Variants in XXYLT1 observed in about 807,000 individuals in gnomAD.
XXYLT1 encodes the protein xyloside xylosyltransferase 1.
In XXYLT1, 20 loss-of-function variants were observed where a neutral mutation model predicts 28.9. The ratio of observed to expected loss-of-function variants is 0.69; its 90% confidence interval spans 0.49 to 1.00. The LOEUF (loss-of-function observed/expected upper bound fraction) is 1.00. XXYLT1 is among the 50% of genes least tolerant of loss of function. The pLI, the probability that XXYLT1 is intolerant of heterozygous loss-of-function variation, is 0.00. For synonymous variants in XXYLT1, 257 were observed against 253.8 expected (o/e 1.01, Z -0.12); for missense variants, 542 against 560.1 (o/e 0.97, Z 0.33).
chr3:195,270,635 C>G lies in XXYLT1; in HGVS notation c.424G>C (p.Val142Leu). 1 of 1,549,640 alleles carries G rather than the reference C, an allele frequency of 6.5e-7. No homozygotes were observed. Among genetic ancestry groups the G allele is most frequent in the Non-Finnish European group, 8.7e-7 (1 of 1,152,608 alleles). The change falls in exon 1 of 4, where the codon GTG (valine) becomes CTG (leucine). Residue 142 changes from valine (V) to leucine (L), a missense_variant. Val to Leu is a conservative substitution (Grantham distance 32). Coordinates refer to ENST00000310380, the MANE Select transcript of XXYLT1 (RefSeq NM_152531.5). The part of the protein sequence containing the change: ...EAHEVLNLHF[V>L]SEEASREVAK... ...ACCTCGCGGCTGGCCTCCTCGCTCA[C>G]GAAGTGAAGGTTAAGCACCTCGTGC...
At chr3:195,185,134 G>T (rs919222465) in intron 2 of XXYLT1, among the ~76,000 whole-genome samples, 15 of 136,598 alleles carry the variant, frequency 1.1e-4, no homozygotes, top group Non-Finnish European at 2.4e-4. Context: ...AGGAAGGAAG[G>T]AAGGAAGGAA....
At position 195,068,622 on chromosome 3, in the gene XXYLT1, C is replaced by A. The variant is rs1422040401; in HGVS notation, c.*1093G>T. ...TTTTGAGATGGACGTCTCACTCTGT[C>A]GTCCAGGCTGGAGTGCAGTGGTGTG... is the stretch of plus-strand genomic sequence containing the variant. On this transcript the variant is annotated 3_prime_UTR_variant, in exon 4 of 4. Coordinates refer to ENST00000310380, the MANE Select transcript of XXYLT1 (RefSeq NM_152531.5). 2.7e-5 allele frequency: 4 copies of A among 145,518 alleles called. No homozygotes were observed. In the East Asian group the frequency reaches 8.4e-4, roughly 30 times the overall value. The allele number at this position is 145,518 out of a possible 1,614,324, so 9.0% of individuals were successfully genotyped here. A position where few individuals can be genotyped will look rare whatever the true frequency, so the allele number is the denominator to read the frequency against.
chr3:195,169,869 A>ATTTT (rs34190474), intron 2 of XXYLT1, among the ~76,000 whole-genome samples: 1 of 123,236 alleles, frequency 8.1e-6, no homozygotes, highest in African/African-American at 3.0e-5. Context: ...ATATATATAT[A>ATTTT]TTTTTTTTTT....
In XXYLT1 at chr3:195,069,775, C is replaced by G; in HGVS notation, c.1122G>C (p.Arg374Ser). 6 of 1,614,112 alleles carry G rather than the reference C, an allele frequency of 3.7e-6. No individual in the cohort carries two copies. The highest frequency in any genetic ancestry group is 5.1e-6 in the Non-Finnish European group (6 of 1,180,028). The change falls in exon 4 of 4, where the codon AGG (arginine) becomes AGC (serine). Residue 374 changes from arginine to serine, a missense_variant. Coordinates refer to ENST00000310380, the MANE Select transcript of XXYLT1 (RefSeq NM_152531.5). ...GYSDVFEAYF[R>S]CEGHVKIYHG... Reference sequence around the variant, plus strand: ...GGTAGATCTTGACGTGGCCCTCACACCTGAAATAGGCCTCGAAGACGTCAC... The same window carrying G: ...GGTAGATCTTGACGTGGCCCTCACAGCTGAAATAGGCCTCGAAGACGTCAC...
chr3:195,256,351 C>T lies in XXYLT1; in HGVS notation c.504+14204G>A, dbSNP rs890080492. ...GATGGTGGCAACTGTGGCTCATTGA[C>T]GGTGACGATAAACCTGAGACAGCTC... On this transcript the variant is annotated intron_variant, in intron 1 of 3. Coordinates refer to ENST00000310380, the MANE Select transcript of XXYLT1 (RefSeq NM_152531.5). This position sits in a 1 kb window ranked among gnomAD's most constrained non-coding sequence, Gnocchi z 4.2. Among the ~76,000 whole-genome samples the T allele has an allele frequency of 3.9e-5, 6 of 152,184 alleles. No individual in the cohort carries two copies. Among genetic ancestry groups the T allele is most frequent in the African/African-American group, 1.4e-4 (6 of 41,438 alleles).
chr3:195,096,408 C>A (rs894884248), intron 3 of XXYLT1, among the ~76,000 whole-genome samples: 1 of 152,214 alleles, frequency 6.6e-6, no homozygotes, highest in African/African-American at 2.4e-5. Flanking sequence ...CCCCAACACA[C>A]ACACGTATAT....
At chr3:195,254,916 C>T (rs1725420187) in intron 1 of XXYLT1, among the ~76,000 whole-genome samples, 1 of 152,196 alleles carries the variant, frequency 6.6e-6, no homozygotes, top group South Asian at 2.1e-4. Context: ...CCCCCACCTC[C>T]CAGAAAGATG....
chr3:195,203,555 G>T (rs988965094), intron 2 of XXYLT1, among the ~76,000 whole-genome samples: 6 of 152,082 alleles, frequency 3.9e-5, no homozygotes, highest in African/African-American at 1.4e-4. Context: ...GAAGTGAATC[G>T]AACATTAACA....
chr3:195,127,417 C>T (rs1210255006), intron 3 of XXYLT1, among the ~76,000 whole-genome samples: 4 of 152,170 alleles, frequency 2.6e-5, no homozygotes, highest in African/African-American at 4.8e-5. Context: ...AGTTATTCCT[C>T]AGGCCCCATC....
chr3:195,110,244 GT>G (rs1717480050), intron 3 of XXYLT1, among the ~76,000 whole-genome samples: 4 of 18,566 alleles, frequency 2.2e-4, no homozygotes, highest in East Asian at 1.6e-3. Context: ...TGGTGTGCGT[GT>G]GTGGGTGAAG....
At chr3:195,140,623 G>C (rs1027484442) in intron 3 of XXYLT1, among the ~76,000 whole-genome samples, 1 of 151,480 alleles carries the variant, frequency 6.6e-6, no homozygotes, top group Non-Finnish European at 1.5e-5. Context: ...ATCTGCACAT[G>C]GCAGCAGGAG....
At chr3:195,147,984 G>A (rs955848257) in intron 3 of XXYLT1, 9 of 152,192 alleles carry the variant, frequency 5.9e-5, no homozygotes, top group African/African-American at 9.7e-5. Context: ...AGCTTTTCAC[G>A]TGCTCCACCT....
At chr3:195,266,565 A>G (rs958730386) in intron 1 of XXYLT1, among the ~76,000 whole-genome samples, 8 of 152,172 alleles carry the variant, frequency 5.3e-5, no homozygotes, top group Admixed American at 1.3e-4. Flanking sequence ...CCTTTCCCAG[A>G]TCAGCACAGC....
intron 2 of XXYLT1, among the ~76,000 whole-genome samples, chr3:195,185,911 T>C (rs1388117594): frequency 6.6e-6 from 1 of 152,164 alleles, no homozygotes; most frequent in Non-Finnish European, 1.5e-5. Context: ...GACCTTTCTT[T>C]TCCTGTGAAG....
chr3:195,110,811 G>A (rs62290322), intron 3 of XXYLT1, among the ~76,000 whole-genome samples: 1 of 88,966 alleles, frequency 1.1e-5, no homozygotes, highest in African/African-American at 4.7e-5. Context: ...ATGTGTGCGT[G>A]TGTGTGGTGT....
At position 195,175,263 on chromosome 3, in the gene XXYLT1, A is replaced by G. The variant is rs1721605144; in HGVS notation, c.653-18682T>C. Among the ~76,000 whole-genome samples, 4 of 152,266 alleles carry G rather than the reference A, an allele frequency of 2.6e-5. No homozygotes were observed. In the South Asian group the frequency reaches 8.3e-4, roughly 32 times the overall value. On this transcript the variant is annotated intron_variant, in intron 2 of 3. Coordinates refer to ENST00000310380, the MANE Select transcript of XXYLT1 (RefSeq NM_152531.5). ...AAGACAGAGAAGTCCTCTCCCCATA[A>G]CAAGAGAGGCTCTTCTACAGTCAGG...
chr3:195,084,364 C>T (rs1715608242), intron 3 of XXYLT1, among the ~76,000 whole-genome samples: 1 of 152,136 alleles, frequency 6.6e-6, no homozygotes, highest in African/African-American at 2.4e-5. Flanking sequence ...CAAGTCAGGG[C>T]CCTGGCCCTA....
chr3:195,210,578 G>A lies in XXYLT1; in HGVS notation c.652+16131C>T, dbSNP rs1723271286. 6.7e-6 allele frequency among the ~76,000 whole-genome samples: 1 copy of A among 148,910 alleles called. No individual in the cohort carries two copies. The highest frequency in any genetic ancestry group is 2.1e-4 in the South Asian group (1 of 4,716). ...GGGGACCAAAACGGGAAATATTACTGTTCAACCAATTTGGCAACTATTTTC... is the reference window on the plus strand; with the variant it reads ...GGGGACCAAAACGGGAAATATTACTATTCAACCAATTTGGCAACTATTTTC... On this transcript the variant is annotated intron_variant, in intron 2 of 3. Transcript: ENST00000310380. This position sits in a 1 kb window ranked among gnomAD's most constrained non-coding sequence, Gnocchi z 4.8.
At chr3:195,194,043 A>C (rs1299185929) in intron 2 of XXYLT1, among the ~76,000 whole-genome samples, 1 of 152,026 alleles carries the variant, frequency 6.6e-6, no homozygotes, top group Admixed American at 6.5e-5. Context: ...CCATACAATA[A>C]AAAAATTGAT....
Sources: allele counts gnomAD v4.1 joint callset (sites outside exome capture counted in the v4.1 genomes callset), GRCh38; gene constraint gnomAD v4.1.1; non-coding constraint Gnocchi (gnomAD v3.1); transcripts MANE v1.5; gene names NCBI Gene and HGNC (gene_info 2026-07-23, HGNC 2026-07-21).